Variants in CABP5 observed in about 807,000 individuals in gnomAD.
CABP5 encodes calcium-binding protein 5.
Under a neutral mutation model 21.9 loss-of-function variants are expected in CABP5, and 17 were observed. The ratio of observed to expected loss-of-function variants is 0.78; its 90% CI spans 0.53 to 1.17. The LOEUF is 1.17. Among genes scored for constraint, CABP5 ranks in the 50% most tolerant of loss-of-function variants. The pLI is 0.00. For missense variants in CABP5, 229 were observed against 228.9 expected, an observed-to-expected ratio of 1.00 and a Z score of 0.00; for synonymous variants, 85 against 79.4, an observed-to-expected ratio of 1.07 and a Z score of -0.37.
intron 1 of CABP5, among the ~76,000 whole-genome samples, chr19:48,043,539 T>TCACCAC (rs1967510943): frequency 3.4e-4 from 1 of 2,976 alleles, no homozygotes; most frequent in Non-Finnish European, 1.1e-3. Context: ...ACCACCACCA[T>TCACCAC]CATCACCACC....
In CABP5 at chr19:48,043,880, C is replaced by G. The variant is rs1188135351; in HGVS notation, c.43G>C (p.Gly15Arg). ...MGPACIFLRKGIAEKQRERPL... is the reference protein window; with the variant it reads ...MGPACIFLRKRIAEKQRERPL... ...CTCACCCGCTGTTTCTCAGCAATGCCTTTCCTCAAGAAGATGCAGGCGGGG... is the reference window on the plus strand; with the variant it reads ...CTCACCCGCTGTTTCTCAGCAATGCGTTTCCTCAAGAAGATGCAGGCGGGG... Residue 15 changes from glycine to arginine, a missense_variant, in exon 1 of 6, where the codon GGC (glycine) becomes CGC (arginine). Transcript: ENST00000293255. 17 of 1,499,844 alleles carry G rather than the reference C, an allele frequency of 1.1e-5. No individual in the cohort carries two copies. Among genetic ancestry groups the G allele is most frequent in the Non-Finnish European group, 1.5e-5 (17 of 1,130,086 alleles). The allele number at this position is 1,499,844 out of a possible 1,614,324, so 92.9% of individuals were successfully genotyped here.
In CABP5 at chr19:48,043,919, G is replaced by T; in HGVS notation, c.4C>A (p.Gln2Lys). The T allele has an allele frequency of 1.3e-6, 2 of 1,507,228 alleles. No individual in the cohort carries two copies. Among genetic ancestry groups the T allele is most frequent in the Non-Finnish European group, 1.8e-6 (2 of 1,134,056 alleles). The allele number at this position is 1,507,228 out of a possible 1,614,324, so 93.4% of individuals were successfully genotyped here. The change falls in exon 1 of 6, where the codon CAG (glutamine) becomes AAG (lysine). Residue 2 changes from glutamine (Q) to lysine (K), a missense_variant. Transcript: ENST00000293255. M[Q>K]FPMGPACIFL... The stretch of plus-strand genomic sequence containing the variant: ...ATGCAGGCGGGGCCCATGGGGAACT[G>T]CATGGAGGGGTGGGGTGGAGCTCGC...
intron 1 of CABP5, among the ~76,000 whole-genome samples, chr19:48,043,172 G>A (rs1250721434): frequency 8.4e-6 from 1 of 118,694 alleles, no homozygotes; most frequent in African/African-American, 2.7e-5. Context: ...ACCATGCTGA[G>A]CTATTTTTTT....
Position 48,029,753 on chromosome 19 carries a change from T to G in CABP5, c.*804A>C, listed in dbSNP as rs892390192. Among the ~76,000 whole-genome samples the G allele has an allele frequency of 6.7e-6, 1 of 148,874 alleles. No homozygotes were observed. Among genetic ancestry groups the G allele is most frequent in the African/African-American group, 2.5e-5 (1 of 40,258 alleles). On this transcript the variant is annotated 3_prime_UTR_variant, in exon 6 of 6. Coordinates refer to ENST00000293255, the MANE Select transcript of CABP5 (RefSeq NM_019855.5). ...GGTTTAATTCAGTCCCCTGAGTATCTTACACAAAGGAAGGGATGTGGGAGG... is the reference window on the plus strand; with the variant it reads ...GGTTTAATTCAGTCCCCTGAGTATCGTACACAAAGGAAGGGATGTGGGAGG...
Position 48,044,017 on chromosome 19 carries a change from C to T in CABP5, c.-95G>A. 9.2e-7 allele frequency: 1 copy of T among 1,081,432 alleles called. No individual in the cohort carries two copies. The highest frequency in any genetic ancestry group is 1.3e-6 in the Non-Finnish European group (1 of 764,832). 67.0% of individuals were successfully genotyped at this position (1,081,432 alleles called of 1,614,324 possible). ...CTCAGCCTCCTTATCTTCTCCAGCA[C>T]TCCTTTGCCACCTCTTCCTGCCTCT... On this transcript the variant is annotated 5_prime_UTR_variant, in exon 1 of 6. It adds an upstream start codon to the 5' untranslated region. Coordinates refer to ENST00000293255, the MANE Select transcript of CABP5 (RefSeq NM_019855.5).
intron 5 of CABP5, among the ~76,000 whole-genome samples, chr19:48,032,035 G>A (rs1055688699): frequency 1.3e-5 from 2 of 151,770 alleles, no homozygotes; most frequent in African/African-American, 4.8e-5. Flanking sequence ...TCCATGGAGA[G>A]GAACAGAAAA....
chr19:48,034,785 A>G (rs1216346364), intron 4 of CABP5, among the ~76,000 whole-genome samples: 1 of 151,916 alleles, frequency 6.6e-6, no homozygotes, highest in African/African-American at 2.4e-5. Flanking sequence ...ACCTCAGTTG[A>G]TCCACCTGCC....
At chr19:48,038,468 A>T (rs1029364922) in intron 4 of CABP5, among the ~76,000 whole-genome samples, 4 of 152,188 alleles carry the variant, frequency 2.6e-5, no homozygotes, top group African/African-American at 9.7e-5. Flanking sequence ...TTCGTACCAG[A>T]TGACCACTTT....
chr19:48,040,195 A>C (rs990496882), intron 3 of CABP5, among the ~76,000 whole-genome samples: 1 of 152,176 alleles, frequency 6.6e-6, no homozygotes, highest in Non-Finnish European at 1.5e-5. Context: ...TAGTGGTGAT[A>C]GTAATAACTA....
At position 48,041,565 on chromosome 19, in the gene CABP5, G is replaced by A. The variant is rs755392379; in HGVS notation, c.94+8C>T. 16 of 1,611,970 alleles carry A rather than the reference G, an allele frequency of 9.9e-6. No individual in the cohort carries two copies. The highest frequency in any genetic ancestry group is 1.3e-5 in the African/African-American group (1 of 74,750). On this transcript the variant is annotated splice_region_variant and intron_variant, in intron 2 of 5. Coordinates refer to ENST00000293255, the MANE Select transcript of CABP5 (RefSeq NM_019855.5). ...CAACGTGGAAGCAACTGGGGAAGACGGTGTTACCTTCAATCTCATCTTGTC... is the reference window on the plus strand; with the variant it reads ...CAACGTGGAAGCAACTGGGGAAGACAGTGTTACCTTCAATCTCATCTTGTC...
At position 48,030,257 on chromosome 19, in the gene CABP5, G is replaced by A. The variant is rs2122356644; in HGVS notation, c.*300C>T. ...GCAGGTCACAGGGACTTAGGACTACGTGAAGTGAAAAGATGTCAAGAATCA... is the reference window on the plus strand; with the variant it reads ...GCAGGTCACAGGGACTTAGGACTACATGAAGTGAAAAGATGTCAAGAATCA... On this transcript the variant is annotated 3_prime_UTR_variant, in exon 6 of 6. Coordinates refer to ENST00000293255, the MANE Select transcript of CABP5 (RefSeq NM_019855.5). 2.7e-6 allele frequency: 1 copy of A among 374,142 alleles called. No individual in the cohort carries two copies. The highest frequency in any genetic ancestry group is 4.8e-6 in the Non-Finnish European group (1 of 210,002). 23.2% of individuals were successfully genotyped at this position (374,142 alleles called of 1,614,324 possible).
In CABP5 at chr19:48,039,269, T is replaced by C; in HGVS notation, c.287A>G (p.Lys96Arg). The C allele has an allele frequency of 6.2e-7, 1 of 1,614,008 alleles. No homozygotes were observed. The highest frequency in any genetic ancestry group is 8.5e-7 in the Non-Finnish European group (1 of 1,179,996). ...FDDFVELMTP[K>R]LLAETAGMIG... ...CATCCCAGCTGTTTCTGCAAGCAAT[T>C]TGGGGGTCATCAGCTCCACAAAGTC... is the stretch of plus-strand genomic sequence containing the variant. Residue 96 changes from lysine to arginine, a missense_variant, in exon 4 of 6, where the codon AAA (lysine) becomes AGA (arginine). Transcript: ENST00000293255.
Position 48,030,432 on chromosome 19 carries a change from G to T in CABP5, c.*125C>A. 1.1e-6 allele frequency: 1 copy of T among 928,424 alleles called. No individual in the cohort carries two copies. Among genetic ancestry groups the T allele is most frequent in the Non-Finnish European group, 1.7e-6 (1 of 600,864 alleles). The allele number at this position is 928,424 out of a possible 1,614,324, so 57.5% of individuals were successfully genotyped here. On this transcript the variant is annotated 3_prime_UTR_variant, in exon 6 of 6. Coordinates refer to ENST00000293255, the MANE Select transcript of CABP5 (RefSeq NM_019855.5). The stretch of plus-strand genomic sequence containing the variant: ...CCCATGCACAGCGCCGCATGCCAAT[G>T]CCCTCCCTCCCGCCTGCCCTCCCTC...
chr19:48,039,333 C>T lies in CABP5; in HGVS notation c.239-16G>A. ...CGGCCACCCACTGAGGAAGATGGCA[C>T]AGGATTAGCGAGACCCCACAAGCCC... On this transcript the variant is annotated splice_polypyrimidine_tract_variant and intron_variant, in intron 3 of 5. Transcript: ENST00000293255. 1 of 1,602,334 alleles carries T rather than the reference C, an allele frequency of 6.2e-7. No individual in the cohort carries two copies. The highest frequency in any genetic ancestry group is 8.6e-7 in the Non-Finnish European group (1 of 1,169,284).
chr19:48,034,138 G>A (rs1215121315), intron 5 of CABP5, 77 bp downstream of exon 5: 3 of 1,409,372 alleles, frequency 2.1e-6, no homozygotes, highest in Non-Finnish European at 2.8e-6. Flanking sequence ...TGGCCAACTT[G>A]GAAAATCTGA....
intron 1 of CABP5, among the ~76,000 whole-genome samples, chr19:48,042,041 A>C (rs1228342193): frequency 6.6e-6 from 1 of 152,114 alleles, no homozygotes; most frequent in Non-Finnish European, 1.5e-5. Context: ...TCTCGTTTCC[A>C]TCTTACCCAT....
Position 48,043,985 on chromosome 19 carries a change from G to A in CABP5, c.-63C>T. The A allele has an allele frequency of 7.1e-7, 1 of 1,404,708 alleles. No individual in the cohort carries two copies. Among genetic ancestry groups the A allele is most frequent in the South Asian group, 1.4e-5 (1 of 71,566 alleles). 87.0% of individuals were successfully genotyped at this position (1,404,708 alleles called of 1,614,324 possible). ...AGATGGCCCCTCCTCCCTGCTCCCT[G>A]TCGGAGCTCAGCCTCCTTATCTTCT... On this transcript the variant is annotated 5_prime_UTR_variant, in exon 1 of 6. Coordinates refer to ENST00000293255, the MANE Select transcript of CABP5 (RefSeq NM_019855.5).
intron 5 of CABP5, among the ~76,000 whole-genome samples, chr19:48,032,220 C>G (rs1457940520): frequency 6.6e-6 from 1 of 151,970 alleles, no homozygotes; most frequent in Non-Finnish European, 1.5e-5. Context: ...AAAGCAGGCA[C>G]CAAGTTTGTG....
At chr19:48,037,058 A>G (rs1239875022) in intron 4 of CABP5, among the ~76,000 whole-genome samples, 3 of 152,078 alleles carry the variant, frequency 2.0e-5, no homozygotes, top group Non-Finnish European at 4.4e-5. Context: ...TTAAACCTAG[A>G]GCTGCCATAT....
Sources: gnomAD v4.1 joint callset for allele counts (sites outside exome capture counted in the v4.1 genomes callset) on GRCh38, gnomAD v4.1.1 for gene constraint, MANE v1.5 for transcripts, NCBI Gene and HGNC (gene_info 2026-07-23, HGNC 2026-07-21) for gene names.